The following CNTN1 variants were observed in gnomAD, a reference collection of about 807,000 sequenced individuals.
CNTN1 encodes the protein contactin 1, also known as contactin-1.
CNTN1 carries 38 observed loss-of-function variants against 126.4 expected under a neutral mutation model. The observed-to-expected ratio is 0.30, with a 90% confidence interval of 0.23 to 0.39. The LOEUF (loss-of-function observed/expected upper bound fraction) is 0.39. Ranked by LOEUF, CNTN1 falls within the 10% of genes least tolerant of loss-of-function variation. The pLI, the probability that CNTN1 is intolerant of heterozygous loss-of-function variation, is 1.00. For missense variants in CNTN1, 1,009 were observed against 1,248.4 expected, an observed-to-expected ratio of 0.81 and a Z score of 2.89; for synonymous variants, 413 against 422.6, an observed-to-expected ratio of 0.98 and a Z score of 0.28.
chr12:40,928,937 A>G lies in CNTN1; in HGVS notation c.497-859A>G, dbSNP rs867775970. Reference sequence around the variant, plus strand: ...CCTAAAATCCTATCTAGTCTGACCTAGAGAGATTCCCACTTATATTCTTCC... The same window carrying G: ...CCTAAAATCCTATCTAGTCTGACCTGGAGAGATTCCCACTTATATTCTTCC... On this transcript the variant is annotated intron_variant, in intron 6 of 23. Transcript: ENST00000551295. Among the ~76,000 whole-genome samples the G allele has an allele frequency of 9.2e-5, 14 of 152,110 alleles. No individual in the cohort carries two copies. The South Asian group carries it at 2.5e-3, about 27-fold the overall frequency.
chr12:40,829,110 G>A (rs1410548682), intron 1 of CNTN1, among the ~76,000 whole-genome samples: 1 of 152,024 alleles, frequency 6.6e-6, no homozygotes, highest in Non-Finnish European at 1.5e-5. Flanking sequence ...GTTAATTAAA[G>A]TTTCTTGCTT....
intron 1 of CNTN1, among the ~76,000 whole-genome samples, chr12:40,840,053 C>T (rs1942214530): frequency 6.6e-6 from 1 of 151,966 alleles, no homozygotes; most frequent in Admixed American, 6.5e-5. Context: ...TATAGACTGG[C>T]TGAATAGATT....
intron 14 of CNTN1, among the ~76,000 whole-genome samples, chr12:40,955,011 G>A (rs530459679): frequency 4.6e-5 from 7 of 152,012 alleles, no homozygotes; most frequent in East Asian, 1.9e-4. Context: ...CACATGAATC[G>A]AAGACCCTAC....
intron 1 of CNTN1, among the ~76,000 whole-genome samples, chr12:40,779,788 C>A (rs138758248): frequency 1.3e-5 from 2 of 151,926 alleles, no homozygotes; most frequent in African/African-American, 4.8e-5. Context: ...AGTGTCATTG[C>A]CATTGATATC....
intron 23 of CNTN1, among the ~76,000 whole-genome samples, chr12:41,061,481 C>T (rs1203025062): frequency 6.6e-6 from 1 of 152,156 alleles, no homozygotes; most frequent in African/African-American, 2.4e-5. Flanking sequence ...TTTGGGTTCA[C>T]AATTGCCAAA....
chr12:40,728,481 C>T (rs1380761870), intron 1 of CNTN1, among the ~76,000 whole-genome samples: 1 of 152,066 alleles, frequency 6.6e-6, no homozygotes, highest in Non-Finnish European at 1.5e-5. Context: ...GGAAATACTA[C>T]CTAGCGACTT....
intron 15 of CNTN1, chr12:40,978,862 C>A (rs184657526): frequency 9.2e-5 from 14 of 152,202 alleles, no homozygotes; most frequent in African/African-American, 2.9e-4. Context: ...ATGCCATACC[C>A]CTATGCTCAG....
At chr12:40,724,368 A>G (rs974546565) in intron 1 of CNTN1, among the ~76,000 whole-genome samples, 2 of 152,184 alleles carry the variant, frequency 1.3e-5, no homozygotes, top group Admixed American at 1.3e-4. Flanking sequence ...TGGCTCATCC[A>G]ACTACTGATT....
At chr12:40,738,493 T>G (rs1316629194) in intron 1 of CNTN1, among the ~76,000 whole-genome samples, 1 of 152,052 alleles carries the variant, frequency 6.6e-6, no homozygotes, top group Non-Finnish European at 1.5e-5. Flanking sequence ...AGGGAAAGAT[T>G]AAAAATGTAA....
intron 14 of CNTN1, among the ~76,000 whole-genome samples, chr12:40,957,445 A>G (rs1035437764): frequency 1.3e-4 from 11 of 85,744 alleles, no homozygotes; most frequent in Non-Finnish European, 2.0e-4. Context: ...GATTTACCCT[A>G]CCTTTTTTTT....
In CNTN1 at chr12:40,910,086, T is replaced by C; in HGVS notation, c.75T>C (p.Tyr25=). The change falls in exon 3 of 24, where the codon TAT becomes TAC. Residue 25 remains tyrosine (Y), a synonymous_variant. Transcript: ENST00000551295. ...ITTCLAEFTW[Y]RRYGHGVSEE... is the part of the protein sequence containing the mutation. ...TTTCATTTTTAGAGTTTACATGGTA[T>C]AGAAGATATGGTCATGGAGGTAAGT... 1.2e-6 allele frequency: 2 copies of C among 1,607,044 alleles called. No individual in the cohort carries two copies. The highest frequency in any genetic ancestry group is 4.5e-5 in the East Asian group (2 of 44,664).
chr12:40,910,857 TTGCA>T (rs143308020), intron 3 of CNTN1, among the ~76,000 whole-genome samples: 4,295 of 152,226 alleles, frequency 0.028, 89 homozygotes, highest in Middle Eastern at 0.054. Context: ...ACAAAAGCCA[TTGCA>T]TGATGGTAGG....
At chr12:40,819,707 C>G (rs1166540233) in intron 1 of CNTN1, among the ~76,000 whole-genome samples, 2 of 152,214 alleles carry the variant, frequency 1.3e-5, no homozygotes, top group African/African-American at 2.4e-5. Flanking sequence ...CGCCCCTCCC[C>G]CCTGGAGTTC....
intron 21 of CNTN1, among the ~76,000 whole-genome samples, chr12:41,026,768 T>C (rs1323593742): frequency 6.6e-6 from 1 of 152,156 alleles, no homozygotes; most frequent in Non-Finnish European, 1.5e-5. Context: ...GAGTGATATC[T>C]AATTTATGAT....
chr12:40,858,586 A>G (rs1215786985), intron 1 of CNTN1, among the ~76,000 whole-genome samples: 1 of 152,184 alleles, frequency 6.6e-6, no homozygotes, highest in Non-Finnish European at 1.5e-5. Context: ...TCAAAGATCT[A>G]GAACCAGAAA....
intron 1 of CNTN1, among the ~76,000 whole-genome samples, chr12:40,845,037 G>T (rs1942449020): frequency 6.6e-6 from 1 of 152,154 alleles, no homozygotes; most frequent in Admixed American, 6.5e-5. Context: ...GAGTAATGTT[G>T]AAAGAAAATC....
intron 15 of CNTN1, among the ~76,000 whole-genome samples, chr12:40,959,902 C>T (rs899977300): frequency 5.3e-5 from 8 of 152,030 alleles, no homozygotes; most frequent in Admixed American, 5.3e-4. Context: ...CATGTGTTGA[C>T]CCCAGCTTGC....
At chr12:40,864,042 C>G (rs1943212511) in intron 1 of CNTN1, among the ~76,000 whole-genome samples, 2 of 81,170 alleles carry the variant, frequency 2.5e-5, no homozygotes, top group Admixed American at 3.0e-4. Flanking sequence ...TTTTTTTTGA[C>G]AGAGTTTTGC....
chr12:41,020,520 A>G, intron 20 of CNTN1, 80 bp downstream of exon 20: 2 of 879,438 alleles, frequency 2.3e-6, no homozygotes, highest in Non-Finnish European at 3.7e-6. Context: ...TGTATGTTTC[A>G]ATGTCCCATT....
Sources: allele counts gnomAD v4.1 joint callset (sites outside exome capture counted in the v4.1 genomes callset), GRCh38; gene constraint gnomAD v4.1.1; transcripts MANE v1.5; gene names NCBI Gene and HGNC (gene_info 2026-07-23, HGNC 2026-07-21).